The following RSU1 variants were observed in gnomAD, a reference collection of about 807,000 sequenced individuals.
RSU1 encodes the protein Ras suppressor protein 1, also known as rsu-1.
A neutral mutation model predicts 31.1 loss-of-function variants in RSU1; 26 were observed. The ratio of observed to expected loss-of-function variants is 0.84; its 90% CI spans 0.61 to 1.16. The LOEUF (loss-of-function observed/expected upper bound fraction) is 1.16, where lower values mean the gene tolerates loss of function less well. RSU1 is among the 50% of genes most tolerant of loss of function. The pLI is 0.00. For missense variants in RSU1, 320 were observed against 339.1 expected, an observed-to-expected ratio of 0.94 and a Z score of 0.44; for synonymous variants, 164 against 136.3, an observed-to-expected ratio of 1.20 and a Z score of -1.41.
intron 8 of RSU1, among the ~76,000 whole-genome samples, chr10:16,677,652 T>G (rs896438208): frequency 6.6e-6 from 1 of 152,198 alleles, no homozygotes. Context: ...ATTTTTACTT[T>G]ATGGCCAGTA....
intron 2 of RSU1, among the ~76,000 whole-genome samples, chr10:16,800,971 AAAG>A (rs1381400651): frequency 6.6e-6 from 1 of 151,954 alleles, no homozygotes; most frequent in Non-Finnish European, 1.5e-5. Context: ...ACAAAAAAAA[AAAG>A]AACAAGGGCA....
chr10:16,627,762 C>CAAAAAAAAAAA (rs74962434), intron 8 of RSU1, among the ~76,000 whole-genome samples: 2 of 67,552 alleles, frequency 3.0e-5, no homozygotes, highest in Non-Finnish European at 3.3e-5. Flanking sequence ...CATCTCAATA[C>CAAAAAAAAAAA]AAAAAAAAAA....
intron 8 of RSU1, among the ~76,000 whole-genome samples, chr10:16,598,863 G>C (rs1422547756): frequency 6.6e-6 from 1 of 152,188 alleles, no homozygotes; most frequent in Non-Finnish European, 1.5e-5. Context: ...GGCCTGACAG[G>C]GTGGCCTGTC....
chr10:16,791,783 G>C (rs1837921250), intron 2 of RSU1, among the ~76,000 whole-genome samples: 1 of 152,134 alleles, frequency 6.6e-6, no homozygotes, highest in South Asian at 2.1e-4. Flanking sequence ...ATATAAGGAA[G>C]GCAAAATAAG....
At chr10:16,796,612 T>C (rs771455475) in intron 2 of RSU1, among the ~76,000 whole-genome samples, 2 of 152,082 alleles carry the variant, frequency 1.3e-5, no homozygotes, top group Non-Finnish European at 2.9e-5. Context: ...AAACTGTTCA[T>C]CACAATGATC....
intron 2 of RSU1, among the ~76,000 whole-genome samples, chr10:16,786,028 G>C (rs188398646): frequency 1.8e-4 from 27 of 152,154 alleles, no homozygotes; most frequent in Non-Finnish European, 3.5e-4. Flanking sequence ...TAACAACTGT[G>C]GCCACTAGAA....
intron 3 of RSU1, among the ~76,000 whole-genome samples, chr10:16,779,732 G>A (rs961667243): frequency 2.0e-5 from 3 of 152,190 alleles, no homozygotes; most frequent in Non-Finnish European, 2.9e-5. Flanking sequence ...ACCATAAAAA[G>A]TGACAGCAGG....
At chr10:16,682,653 C>G (rs2131550163) in intron 8 of RSU1, among the ~76,000 whole-genome samples, 1 of 151,834 alleles carries the variant, frequency 6.6e-6, no homozygotes, top group Middle Eastern at 3.4e-3. Flanking sequence ...AGTAGCTGTT[C>G]TTTCACCACT....
At chr10:16,769,673 C>A (rs1451084125) in intron 3 of RSU1, among the ~76,000 whole-genome samples, 2 of 152,188 alleles carry the variant, frequency 1.3e-5, no homozygotes, top group African/African-American at 4.8e-5. Flanking sequence ...GTCTGGGAAC[C>A]CTCTTTTGGC....
chr10:16,602,883 T>C (rs1833735157), intron 8 of RSU1, among the ~76,000 whole-genome samples: 1 of 152,196 alleles, frequency 6.6e-6, no homozygotes, highest in Non-Finnish European at 1.5e-5. Context: ...GAAGCCGAGA[T>C]TATTAATAAG....
chr10:16,678,709 A>G (rs535885404), intron 8 of RSU1, among the ~76,000 whole-genome samples: 72 of 152,152 alleles, frequency 4.7e-4, no homozygotes, highest in Non-Finnish European at 7.6e-4. Context: ...AGGACATTCA[A>G]TAGGTACCAC....
chr10:16,602,561 T>C (rs1833730808), intron 8 of RSU1, among the ~76,000 whole-genome samples: 1 of 152,248 alleles, frequency 6.6e-6, no homozygotes, highest in African/African-American at 2.4e-5. Flanking sequence ...TAACTTCTTT[T>C]GTAGTCTATA....
chr10:16,798,050 C>T (rs1225656317), intron 2 of RSU1, among the ~76,000 whole-genome samples: 3 of 151,826 alleles, frequency 2.0e-5, no homozygotes, highest in Admixed American at 6.6e-5. Flanking sequence ...TTAGTAGCGA[C>T]GGGGTTTTAC....
chr10:16,641,271 A>G (rs1379317625), intron 8 of RSU1, among the ~76,000 whole-genome samples: 1 of 152,206 alleles, frequency 6.6e-6, no homozygotes, highest in African/African-American at 2.4e-5. Context: ...TCCTCAAAGC[A>G]GATTGAAGAC....
chr10:16,723,272 C>T (rs1452628490), intron 7 of RSU1: 4 of 152,066 alleles, frequency 2.6e-5, no homozygotes, highest in African/African-American at 2.4e-5. Context: ...TAAGATCCAA[C>T]GTTTTTTCAA....
chr10:16,738,156 A>G (rs937381329), intron 7 of RSU1, among the ~76,000 whole-genome samples: 1 of 152,172 alleles, frequency 6.6e-6, no homozygotes, highest in Non-Finnish European at 1.5e-5. Flanking sequence ...CTTACACTAA[A>G]AAAGAAGAGG....
chr10:16,597,302 G>C (rs889192017), intron 8 of RSU1, among the ~76,000 whole-genome samples: 1 of 152,104 alleles, frequency 6.6e-6, no homozygotes, highest in Non-Finnish European at 1.5e-5. Flanking sequence ...TCCTTTTTCG[G>C]AGCGAACTGG....
chr10:16,618,438 A>G (rs1192013296), intron 8 of RSU1, among the ~76,000 whole-genome samples: 1 of 152,222 alleles, frequency 6.6e-6, no homozygotes, highest in African/African-American at 2.4e-5. Flanking sequence ...AGGATCTAGA[A>G]CCAAAAATAC....
chr10:16,730,621 G>T (rs1191173012), intron 7 of RSU1, among the ~76,000 whole-genome samples: 1 of 152,114 alleles, frequency 6.6e-6, no homozygotes, highest in Non-Finnish European at 1.5e-5. Flanking sequence ...CTAGATTTGG[G>T]GGGTTTTTTG....
Sources: allele counts gnomAD v4.1 joint callset (sites outside exome capture counted in the v4.1 genomes callset), GRCh38; gene constraint gnomAD v4.1.1; transcripts MANE v1.5; gene names NCBI Gene and HGNC (gene_info 2026-07-23, HGNC 2026-07-21).